Variants in ZNF570 observed in about 807,000 individuals in gnomAD.
ZNF570 encodes zinc finger protein 570.
Under a neutral mutation model 14.2 loss-of-function variants are expected in ZNF570, and 8 were observed. The observed-to-expected ratio is 0.56, with a 90% CI of 0.33 to 1.02. The LOEUF is 1.02. Among genes scored for constraint, ZNF570 ranks in the 50% least tolerant of loss-of-function variants. The probability of loss-of-function intolerance (pLI) is 0.03; values close to 1 mark genes in which losing one functional copy is unlikely to be tolerated. For missense variants in ZNF570, 559 were observed against 624.9 expected (o/e 0.89, Z 1.12); for synonymous variants, 202 against 207.6 (o/e 0.97, Z 0.23).
intron 2 of ZNF570, among the ~76,000 whole-genome samples, chr19:37,471,698 G>C (rs2041967162): frequency 6.6e-6 from 1 of 152,102 alleles, no homozygotes; most frequent in Non-Finnish European, 1.5e-5. Flanking sequence ...GGAGTGAAAT[G>C]AGCCATTGGC....
At chr19:37,475,791 G>A (rs1489980752) in intron 2 of ZNF570, 90 bp from the exon 3 acceptor site, 3 of 1,258,602 alleles carry the variant, frequency 2.4e-6, no homozygotes, top group East Asian at 2.4e-5. Context: ...ATTTGAGGAT[G>A]TAATATCAGA....
At chr19:37,469,904 T>A (rs2041926638) in intron 1 of ZNF570, among the ~76,000 whole-genome samples, 1 of 152,186 alleles carries the variant, frequency 6.6e-6, no homozygotes, top group Non-Finnish European at 1.5e-5. Context: ...AGTGAGAGAC[T>A]GTGTGCCACG....
rs1218296036 is a variant in ZNF570 at position 37,486,880 on chromosome 19, CAT to C, written c.*1649_*1650del. On this transcript the variant is annotated 3_prime_UTR_variant, in exon 5 of 5. Coordinates refer to ENST00000330173, the MANE Select transcript of ZNF570 (RefSeq NM_144694.5). ...CAATTAACCAAAAAAAATCAATAAA[CAT>C]AGAAATTCATGTGATCCCCTTAAAT... The C allele has an allele frequency of 2.6e-5, 4 of 152,054 alleles. No homozygotes were observed. Among genetic ancestry groups the C allele is most frequent in the African/African-American group, 7.2e-5 (3 of 41,412 alleles). 9.4% of individuals were successfully genotyped at this position (152,054 alleles called of 1,614,324 possible). A position where few individuals can be genotyped will look rare whatever the true frequency, so the allele number is the denominator to read the frequency against.
rs1215116988 is a variant in ZNF570, at chr19:37,476,340, A to T, written c.162A>T (p.Gly54=). ...LENYRILVSL[G]LCFSKPSVIL... is the part of the protein sequence containing the mutation. ...TACTTTTTTTTTTCGTATTTGCAGG[A>T]CTTTGCTTTTCCAAACCAAGTGTGA... The change falls in exon 4 of 5, where the codon GGA becomes GGT. Residue 54 remains glycine, a splice_region_variant and synonymous_variant. Transcript: ENST00000330173. 6 of 1,613,048 alleles carry T rather than the reference A, an allele frequency of 3.7e-6. No homozygotes were observed. The highest frequency in any genetic ancestry group is 5.1e-6 in the Non-Finnish European group (6 of 1,179,766).
intron 1 of ZNF570, among the ~76,000 whole-genome samples, chr19:37,469,871 G>C (rs1205382204): frequency 6.6e-6 from 1 of 152,200 alleles, no homozygotes; most frequent in Non-Finnish European, 1.5e-5. Context: ...TAGTTTTTCA[G>C]ACTCTGATTA....
At position 37,484,825 on chromosome 19, in the gene ZNF570, T is replaced by C; in HGVS notation, c.1203T>C (p.Leu401=). ...AGGCCTTTAGCCAGAATTCACACCTTGCTCAACATCAGAGAATTCATACTG... is the reference window on the plus strand; with the variant it reads ...AGGCCTTTAGCCAGAATTCACACCTCGCTCAACATCAGAGAATTCATACTG... ...CGKAFSQNSH[L]AQHQRIHTGE... Residue 401 remains leucine (L), a synonymous_variant, in exon 5 of 5, where the codon CTT becomes CTC. Coordinates refer to ENST00000330173, the MANE Select transcript of ZNF570 (RefSeq NM_144694.5). 1 of 1,613,276 alleles carries C rather than the reference T, an allele frequency of 6.2e-7. No homozygotes were observed. Among genetic ancestry groups the C allele is most frequent in the Non-Finnish European group, 8.5e-7 (1 of 1,179,866 alleles).
chr19:37,471,830 C>T (rs1296964211), intron 2 of ZNF570, among the ~76,000 whole-genome samples: 3 of 152,044 alleles, frequency 2.0e-5, no homozygotes, highest in East Asian at 1.9e-4. Flanking sequence ...AAACTCTTAA[C>T]GTACTTCCTG....
chr19:37,470,342 G>A lies in ZNF570; in HGVS notation c.-13G>A, dbSNP rs1025127446. 1.9e-6 allele frequency: 3 copies of A among 1,614,032 alleles called. No homozygotes were observed. Among genetic ancestry groups the A allele is most frequent in the Non-Finnish European group, 1.7e-6 (2 of 1,180,016 alleles). On this transcript the variant is annotated 5_prime_UTR_variant, in exon 2 of 5. Coordinates refer to ENST00000330173, the MANE Select transcript of ZNF570 (RefSeq NM_144694.5). ...CTGCTATTTCCCAAGAGAAGAGCCA[G>A]GAGGAAGAAAGAATGGCTGTTGGGC...
At chr19:37,480,710 T>C (rs939821351) in intron 4 of ZNF570, among the ~76,000 whole-genome samples, 12 of 152,066 alleles carry the variant, frequency 7.9e-5, no homozygotes, top group African/African-American at 2.9e-4. Context: ...CCCAGCACTT[T>C]GGGAGGCCAA....
At position 37,484,707 on chromosome 19, in the gene ZNF570, T is replaced by C. The variant is rs777694693; in HGVS notation, c.1085T>C (p.Val362Ala). Reference protein sequence around the residue: ...HTGEKPYECNVCGKAFSLRAY... With the variant: ...HTGEKPYECNACGKAFSLRAY... ...GGAGAGAAACCCTATGAATGTAATG[T>C]CTGTGGGAAAGCATTTAGCCTTCGT... Residue 362 changes from valine (V) to alanine (A), a missense_variant, in exon 5 of 5, where the codon GTC (valine) becomes GCC (alanine). Physicochemically the swap from Val to Ala is moderately conservative, Grantham distance 64. Coordinates refer to ENST00000330173, the MANE Select transcript of ZNF570 (RefSeq NM_144694.5). 52 of 1,613,586 alleles carry C rather than the reference T, an allele frequency of 3.2e-5. No homozygotes were observed. Among genetic ancestry groups the C allele is most frequent in the Non-Finnish European group, 4.4e-5 (52 of 1,179,900 alleles).
At chr19:37,468,071 GTTTTT>G (rs35295578), upstream of ZNF570, 55 of 586,410 alleles carry the variant, frequency 9.4e-5, no homozygotes, top group Middle Eastern at 2.9e-4. Context: ...TGCCTTTCGT[GTTTTT>G]TTTTTTTTGT....
chr19:37,471,597 C>A (rs970451498), intron 2 of ZNF570, among the ~76,000 whole-genome samples: 2 of 152,126 alleles, frequency 1.3e-5, no homozygotes, highest in African/African-American at 4.8e-5. Context: ...CAGCCCAGAC[C>A]TCTCTCTTGA....
At chr19:37,468,150 G>A (rs1269964703), upstream of ZNF570, 4 of 575,442 alleles carry the variant, frequency 7.0e-6, no homozygotes, top group Admixed American at 6.4e-5. Flanking sequence ...GCAGCGGCGC[G>A]ATGTTGGCTC....
chr19:37,484,487 C>T lies in ZNF570; in HGVS notation c.865C>T (p.Leu289=), dbSNP rs772076311. The change falls in exon 5 of 5, where the codon CTA becomes TTA. Residue 289 remains leucine (L), a synonymous_variant. Transcript: ENST00000330173. ...GAAAGCCTTCAGTCAGAATGCACAC[C>T]TAGTTCAACATCTGCGAGTTCATAC... is the stretch of plus-strand genomic sequence containing the variant. The part of the protein sequence containing the change: ...CRKAFSQNAH[L]VQHLRVHTGE... The T allele has an allele frequency of 1.9e-5, 31 of 1,613,772 alleles. No individual in the cohort carries two copies. The South Asian group carries it at 3.0e-4, about 15-fold the overall frequency.
In ZNF570 at chr19:37,484,826, G is replaced by T. The variant is rs562345343; in HGVS notation, c.1204G>T (p.Ala402Ser). ...GKAFSQNSHL[A>S]QHQRIHTGEK... ...GGCCTTTAGCCAGAATTCACACCTT[G>T]CTCAACATCAGAGAATTCATACTGG... Residue 402 changes from alanine to serine, a missense_variant, in exon 5 of 5, where the codon GCT (alanine) becomes TCT (serine). Transcript: ENST00000330173. The T allele has an allele frequency of 6.2e-7, 1 of 1,613,540 alleles. No homozygotes were observed. Among genetic ancestry groups the T allele is most frequent in the African/African-American group, 1.3e-5 (1 of 74,814 alleles).
chr19:37,478,209 C>T (rs902548082), intron 4 of ZNF570, among the ~76,000 whole-genome samples: 1 of 152,114 alleles, frequency 6.6e-6, no homozygotes, highest in Non-Finnish European at 1.5e-5. Flanking sequence ...AATTCATTAA[C>T]ATGGTATAGC....
intron 4 of ZNF570, among the ~76,000 whole-genome samples, chr19:37,483,092 G>A (rs888839558): frequency 1.3e-5 from 2 of 152,004 alleles, no homozygotes; most frequent in African/African-American, 4.8e-5. Flanking sequence ...TTAGAAGGCC[G>A]GTGAAGCTTA....
rs995500849 is a variant in ZNF570, at chr19:37,484,335, G to T, written c.713G>T (p.Arg238Ile). The T allele has an allele frequency of 6.8e-6, 11 of 1,613,790 alleles. No homozygotes were observed. The highest frequency in any genetic ancestry group is 2.7e-5 in the African/African-American group (2 of 74,918). Reference sequence around the variant, plus strand: ...AGTTCATCCCTTACTCTTCATCAAAGAATTCATACTGGAGAGAAACCCTAT... The same window carrying T: ...AGTTCATCCCTTACTCTTCATCAAATAATTCATACTGGAGAGAAACCCTAT... ...SQSSSLTLHQ[R>I]IHTGEKPYKC... Residue 238 changes from arginine (R) to isoleucine (I), a missense_variant, in exon 5 of 5, where the codon AGA becomes ATA. Coordinates refer to ENST00000330173, the MANE Select transcript of ZNF570 (RefSeq NM_144694.5).
chr19:37,468,873 C>T (rs555213259), upstream of ZNF570: 5 of 195,034 alleles, frequency 2.6e-5, no homozygotes, highest in African/African-American at 7.1e-5. Flanking sequence ...TGCATCCCCC[C>T]CACCCCGCTC....
Sources: allele counts gnomAD v4.1 joint callset (sites outside exome capture counted in the v4.1 genomes callset), GRCh38; gene constraint gnomAD v4.1.1; transcripts MANE v1.5; gene names NCBI Gene and HGNC (gene_info 2026-07-23, HGNC 2026-07-21).